Variants in SNTG1 observed in about 807,000 individuals in gnomAD.
SNTG1 encodes gamma-1-syntrophin.
A neutral mutation model predicts 74.7 loss-of-function variants in SNTG1; 39 were observed. The ratio of observed to expected loss-of-function variants is 0.52; its 90% confidence interval spans 0.40 to 0.68. SNTG1 has a LOEUF of 0.68. SNTG1 is among the 30% of genes least tolerant of loss of function. The pLI is 0.00. For synonymous variants in SNTG1, 254 were observed against 217.1 expected (o/e 1.17, Z -1.49); for missense variants, 685 against 609.5 (o/e 1.12, Z -1.30).
At chr8:50,309,836 C>G (rs1035755196) in intron 2 of SNTG1, among the ~76,000 whole-genome samples, 3 of 152,090 alleles carry the variant, frequency 2.0e-5, no homozygotes, top group African/African-American at 7.2e-5. Flanking sequence ...CAAAAAAAAC[C>G]TTTTTATTGC....
chr8:50,602,777 C>T (rs1197647566), intron 13 of SNTG1, among the ~76,000 whole-genome samples: 1 of 152,094 alleles, frequency 6.6e-6, no homozygotes, highest in African/African-American at 2.4e-5. Context: ...ACTGGATATA[C>T]TATTCTAATG....
In SNTG1 at chr8:50,552,965, A is replaced by T. The variant is rs1278018332; in HGVS notation, c.681-85A>T. 3 of 1,502,346 alleles carry T rather than the reference A, an allele frequency of 2.0e-6. No individual in the cohort carries two copies. In the African/African-American group the frequency reaches 4.2e-5, roughly 21 times the overall value. 93.1% of individuals were successfully genotyped at this position (1,502,346 alleles called of 1,614,324 possible). Reference sequence around the variant, plus strand: ...GGCTGATATTTATATTGTATGAAAGATAAGCTTTTCAACAGATACTATTAC... The same window carrying T: ...GGCTGATATTTATATTGTATGAAAGTTAAGCTTTTCAACAGATACTATTAC... On this transcript the variant is annotated intron_variant, in intron 11 of 18. Coordinates refer to ENST00000642720, the MANE Select transcript of SNTG1 (RefSeq NM_018967.5).
At chr8:50,577,229 G>A (rs185541016) in intron 12 of SNTG1, among the ~76,000 whole-genome samples, 199 of 152,154 alleles carry the variant, frequency 1.3e-3, no homozygotes, top group African/African-American at 4.4e-3. Context: ...CAGTTGAGAT[G>A]ATTATCTGCT....
intron 18 of SNTG1, among the ~76,000 whole-genome samples, chr8:50,792,055 A>G (rs1026240950): frequency 2.0e-5 from 3 of 151,546 alleles, no homozygotes; most frequent in Non-Finnish European, 3.0e-5. Flanking sequence ...CTAAAAATCC[A>G]AAATGAATTA....
At chr8:50,044,687 A>C (rs2130839236) in intron 1 of SNTG1, among the ~76,000 whole-genome samples, 1 of 152,256 alleles carries the variant, frequency 6.6e-6, no homozygotes, top group South Asian at 2.1e-4. Flanking sequence ...TAGCCTTGGA[A>C]TTTCTTCTTG....
intron 9 of SNTG1, among the ~76,000 whole-genome samples, chr8:50,525,903 T>C (rs2094215942): frequency 6.6e-6 from 1 of 152,106 alleles, no homozygotes. Flanking sequence ...ATGTCTGTGC[T>C]ATTATTTTTT....
chr8:50,534,703 C>T (rs1346536207), intron 10 of SNTG1, among the ~76,000 whole-genome samples: 1 of 151,990 alleles, frequency 6.6e-6, no homozygotes. Flanking sequence ...ACCACTTGAC[C>T]CCAGGGGCGG....
chr8:50,130,516 A>T lies in SNTG1; in HGVS notation c.-102-42045A>T, dbSNP rs573221060. ...AAAGGTTATATATTTTACTATCATGATAATGGAAACCAGGAGCAAAATATA... is the reference window on the plus strand; with the variant it reads ...AAAGGTTATATATTTTACTATCATGTTAATGGAAACCAGGAGCAAAATATA... On this transcript the variant is annotated intron_variant, in intron 1 of 18. Transcript: ENST00000642720. 3.3e-5 allele frequency among the ~76,000 whole-genome samples: 5 copies of T among 152,278 alleles called. 1 individual carries two copies. The South Asian group carries it at 1.0e-3, about 32-fold the overall frequency.
At chr8:50,267,747 A>G (rs1210296805) in intron 2 of SNTG1, among the ~76,000 whole-genome samples, 4 of 152,188 alleles carry the variant, frequency 2.6e-5, no homozygotes, top group African/African-American at 9.6e-5. Flanking sequence ...TGACAAAAAA[A>G]TTCAACACTT....
chr8:50,072,206 A>G (rs970774280), intron 1 of SNTG1, among the ~76,000 whole-genome samples: 1 of 152,210 alleles, frequency 6.6e-6, no homozygotes, highest in East Asian at 1.9e-4. Context: ...TATATGAAGT[A>G]TGATGGTTCA....
chr8:50,598,368 T>C (rs192820141), intron 13 of SNTG1, among the ~76,000 whole-genome samples: 2 of 152,148 alleles, frequency 1.3e-5, no homozygotes, highest in East Asian at 3.9e-4. Flanking sequence ...TAATATGTGT[T>C]CTTGACACTT....
chr8:50,223,929 A>T (rs2085195589), intron 2 of SNTG1, among the ~76,000 whole-genome samples: 1 of 152,182 alleles, frequency 6.6e-6, no homozygotes, highest in Non-Finnish European at 1.5e-5. Flanking sequence ...TAAATGAGAC[A>T]TTCATCTATG....
At chr8:50,297,074 T>C (rs2089417971) in intron 2 of SNTG1, among the ~76,000 whole-genome samples, 1 of 152,196 alleles carries the variant, frequency 6.6e-6, no homozygotes, top group Non-Finnish European at 1.5e-5. Flanking sequence ...ATTTTCATGG[T>C]CTTTAATTTC....
intron 2 of SNTG1, among the ~76,000 whole-genome samples, chr8:50,252,211 G>C (rs1005544924): frequency 2.0e-5 from 3 of 151,844 alleles, no homozygotes; most frequent in Non-Finnish European, 4.4e-5. Context: ...AACAAAAGCA[G>C]TTCTATAAGA....
Position 49,969,385 on chromosome 8 carries a change from ATCTTTTTTTTT to A in SNTG1, c.-103+57156_-103+57166del, listed in dbSNP as rs1219523404. ...GCAAATACACATTTTAATTCATTTA[ATCTTTTTTTTT>A]TTTTTTTTTTTTTTTTTTGAAATGG... On this transcript the variant is annotated intron_variant, in intron 1 of 18. Coordinates refer to ENST00000642720, the MANE Select transcript of SNTG1 (RefSeq NM_018967.5). 4.6e-3 allele frequency among the ~76,000 whole-genome samples: 537 copies of A among 116,650 alleles called. 5 individuals are homozygous for A. Among genetic ancestry groups the A allele is most frequent in the Middle Eastern group, 9.3e-3 (2 of 214 alleles). 76.5% of individuals were successfully genotyped at this position (116,650 alleles called of 152,430 possible).
chr8:50,596,775 GT>G (rs1168208271), intron 13 of SNTG1, among the ~76,000 whole-genome samples: 1 of 151,996 alleles, frequency 6.6e-6, no homozygotes, highest in African/African-American at 2.4e-5. Flanking sequence ...TTTTATTAAT[GT>G]TTTTATATAA....
intron 1 of SNTG1, among the ~76,000 whole-genome samples, chr8:50,162,142 G>A (rs1460584479): frequency 6.6e-6 from 1 of 152,168 alleles, no homozygotes; most frequent in Non-Finnish European, 1.5e-5. Context: ...ATAAGGAATT[G>A]AGATAGAATT....
chr8:50,514,893 G>A (rs933165689), intron 9 of SNTG1, among the ~76,000 whole-genome samples: 4 of 151,964 alleles, frequency 2.6e-5, no homozygotes, highest in African/African-American at 9.7e-5. Flanking sequence ...TCATATATTT[G>A]GATATTTGGC....
At chr8:50,147,216 T>A (rs889545949) in intron 1 of SNTG1, among the ~76,000 whole-genome samples, 1 of 152,076 alleles carries the variant, frequency 6.6e-6, no homozygotes, top group African/African-American at 2.4e-5. Context: ...AAACAGGTCA[T>A]TTAAGAAAAA....
Sources: allele counts gnomAD v4.1 joint callset (sites outside exome capture counted in the v4.1 genomes callset), GRCh38; gene constraint gnomAD v4.1.1; transcripts MANE v1.5; gene names NCBI Gene and HGNC (gene_info 2026-07-23, HGNC 2026-07-21).